PDE9A: variants seen among roughly 807,000 people sequenced by gnomAD.
The protein encoded by PDE9A is high affinity cGMP-specific 3',5'-cyclic phosphodiesterase 9A.
Under a neutral mutation model 87.4 loss-of-function variants are expected in PDE9A, and 60 were observed. That is an observed-to-expected ratio of 0.69 (90% CI 0.56 to 0.85). The LOEUF (loss-of-function observed/expected upper bound fraction) is 0.85. PDE9A is among the 40% of genes least tolerant of loss of function. The probability of loss-of-function intolerance (pLI) is 0.00; values close to 1 mark genes in which losing one functional copy is unlikely to be tolerated. For synonymous variants in PDE9A, 272 were observed against 279.4 expected (o/e 0.97, Z 0.27); for missense variants, 665 against 779.0 (o/e 0.85, Z 1.74).
rs2146282494 is a variant in PDE9A at position 42,694,943 on chromosome 21, A to G, written c.219-4025A>G. Among the ~76,000 whole-genome samples the G allele has an allele frequency of 6.6e-6, 1 of 152,250 alleles. No individual in the cohort carries two copies. The highest frequency in any genetic ancestry group is 2.4e-5 in the African/African-American group (1 of 41,554). On this transcript the variant is annotated intron_variant, in intron 3 of 19. Transcript: ENST00000291539. This position sits in a 1 kb window ranked among gnomAD's most constrained non-coding sequence, Gnocchi z 5.3. ...GCCCAGCGGGCACTCCCCTTCTGCA[A>G]ACCTCCAAGCACATTCCCCCTCTGC...
Position 42,759,116 on chromosome 21 carries a change from T to C in PDE9A, c.897+31T>C. On this transcript the variant is annotated intron_variant, in intron 11 of 19. Coordinates refer to ENST00000291539, the MANE Select transcript of PDE9A (RefSeq NM_002606.3). The surrounding 1 kb of genome is among the most constrained non-coding windows in gnomAD (Gnocchi z 7.2). ...TGCCAAACCCGCCTTCGGTTCTTCC[T>C]GGGCACGTGGTTTCATCCAGTTCCA... 1 of 1,525,638 alleles carries C rather than the reference T, an allele frequency of 6.6e-7. No homozygotes were observed. Among genetic ancestry groups the C allele is most frequent in the South Asian group, 1.1e-5 (1 of 89,056 alleles). 94.5% of individuals were successfully genotyped at this position (1,525,638 alleles called of 1,614,324 possible).
At position 42,653,891 on chromosome 21, in the gene PDE9A, C is replaced by T. The variant is rs757490465; in HGVS notation, c.69+8C>T. The stretch of plus-strand genomic sequence containing the variant: ...GATGGACGCATTCAGAAGGTAGCCC[C>T]TCCCCCACCCAGACACCCCCTCCTC... On this transcript the variant is annotated splice_region_variant and intron_variant, in intron 1 of 19. Coordinates refer to ENST00000291539, the MANE Select transcript of PDE9A (RefSeq NM_002606.3). The T allele has an allele frequency of 2.0e-5, 30 of 1,516,516 alleles. No homozygotes were observed. The highest frequency in any genetic ancestry group is 2.1e-5 in the Non-Finnish European group (23 of 1,119,296). The allele number at this position is 1,516,516 out of a possible 1,614,324, so 93.9% of individuals were successfully genotyped here. A position where few individuals can be genotyped will look rare whatever the true frequency, so the allele number is the denominator to read the frequency against.
intron 10 of PDE9A, among the ~76,000 whole-genome samples, chr21:42,754,745 G>T (rs1360282319): frequency 6.6e-6 from 1 of 152,226 alleles, no homozygotes; most frequent in Non-Finnish European, 1.5e-5. Context: ...AGTCTCACGA[G>T]ATCTGATGGT....
At chr21:42,763,634 G>A (rs2056055624) in intron 14 of PDE9A, among the ~76,000 whole-genome samples, 1 of 152,152 alleles carries the variant, frequency 6.6e-6, no homozygotes, top group Non-Finnish European at 1.5e-5. Flanking sequence ...GTGGTACTTT[G>A]TGTGGCGGCC....
intron 9 of PDE9A, 127 bp downstream of exon 9, chr21:42,751,324 C>T (rs989402662): frequency 3.3e-5 from 25 of 746,324 alleles, no homozygotes; most frequent in Admixed American, 2.7e-4. Context: ...AGCCCTGGGC[C>T]GCTGACGGTG....
rs896977417 is a variant in PDE9A, at chr21:42,696,699, C to T, written c.219-2269C>T. Among the ~76,000 whole-genome samples the T allele has an allele frequency of 2.1e-4, 32 of 152,216 alleles. No homozygotes were observed. The highest frequency in any genetic ancestry group is 3.9e-4 in the African/African-American group (16 of 41,462). On this transcript the variant is annotated intron_variant, in intron 3 of 19. Transcript: ENST00000291539. The surrounding 1 kb of genome is among the most constrained non-coding windows in gnomAD (Gnocchi z 5.1). ...AGGCCCTTCCTAGGCAACCCTGGCA[C>T]GGGTCCTCACTGGCCACACTGAGGC... is the stretch of plus-strand genomic sequence containing the variant.
chr21:42,769,575 C>CAT (rs1491050849), intron 17 of PDE9A, among the ~76,000 whole-genome samples: 1 of 115,112 alleles, frequency 8.7e-6, no homozygotes, highest in African/African-American at 3.7e-5. Context: ...CACACACACA[C>CAT]ATGCACACAG....
chr21:42,707,927 T>C (rs922511425), intron 4 of PDE9A, among the ~76,000 whole-genome samples: 1 of 152,222 alleles, frequency 6.6e-6, no homozygotes, highest in Admixed American at 6.5e-5. Flanking sequence ...CATTTTTGAA[T>C]GGCTAAAGTT....
At chr21:42,747,759 T>A (rs2054020325) in intron 8 of PDE9A, among the ~76,000 whole-genome samples, 1 of 152,116 alleles carries the variant, frequency 6.6e-6, no homozygotes, top group Admixed American at 6.5e-5. Flanking sequence ...GAATATGGGG[T>A]TCACCCAGAG....
chr21:42,701,645 C>A (rs372907612), intron 4 of PDE9A, among the ~76,000 whole-genome samples: 35 of 152,080 alleles, frequency 2.3e-4, no homozygotes, highest in African/African-American at 8.2e-4. Context: ...CAGTATTGCC[C>A]AGGCTGGTCT....
In PDE9A at chr21:42,707,876, G is replaced by A. The variant is rs552997364; in HGVS notation, c.262+8865G>A. Among the ~76,000 whole-genome samples the A allele has an allele frequency of 5.3e-5, 8 of 152,286 alleles. No homozygotes were observed. In the South Asian group the frequency reaches 1.2e-3, roughly 24 times the overall value. On this transcript the variant is annotated intron_variant, in intron 4 of 19. Coordinates refer to ENST00000291539, the MANE Select transcript of PDE9A (RefSeq NM_002606.3). ...GCACAGTGCCTGCCACTTGGTAAGCGCCCAGTAAATGGTTGTTATCATTGA... is the reference window on the plus strand; with the variant it reads ...GCACAGTGCCTGCCACTTGGTAAGCACCCAGTAAATGGTTGTTATCATTGA...
At chr21:42,715,186 T>C (rs867063001) in intron 4 of PDE9A, among the ~76,000 whole-genome samples, 32 of 131,876 alleles carry the variant, frequency 2.4e-4, no homozygotes, top group African/African-American at 8.3e-4. Flanking sequence ...TATGCATCTT[T>C]ACTTTTTTTT....
In PDE9A at chr21:42,704,209, G is replaced by A. The variant is rs903831732; in HGVS notation, c.262+5198G>A. The stretch of plus-strand genomic sequence containing the variant: ...TGTCCCTCCGGGCCAGCCGAGGAGC[G>A]CTGCGCTTATTCCGCAGTGAGGAGT... On this transcript the variant is annotated intron_variant, in intron 4 of 19. Transcript: ENST00000291539. The surrounding 1 kb of genome is among the most constrained non-coding windows in gnomAD (Gnocchi z 5.3). Among the ~76,000 whole-genome samples, 11 of 152,314 alleles carry A rather than the reference G, an allele frequency of 7.2e-5. No individual in the cohort carries two copies. Among genetic ancestry groups the A allele is most frequent in the African/African-American group, 2.2e-4 (9 of 41,574 alleles).
chr21:42,763,186 G>A (rs1180867953), intron 14 of PDE9A, among the ~76,000 whole-genome samples: 2 of 152,204 alleles, frequency 1.3e-5, no homozygotes, highest in East Asian at 3.8e-4. Flanking sequence ...TTGCAGGGGA[G>A]GGAAGCTCTC....
In PDE9A at chr21:42,740,625, GAAT is replaced by G. The variant is rs1569228434; in HGVS notation, c.569-3150_569-3148del. 3.1e-4 allele frequency among the ~76,000 whole-genome samples: 5 copies of G among 16,254 alleles called. 1 individual carries two copies. Among genetic ancestry groups the G allele is most frequent in the African/African-American group, 8.9e-4 (4 of 4,508 alleles). 10.7% of individuals were successfully genotyped at this position (16,254 alleles called of 152,430 possible). Reference sequence around the variant, plus strand: ...TGGATGGATGGATGGATGGATGGATGAATGGATACATAGATGAATGGATGGATA... The same window carrying G: ...TGGATGGATGGATGGATGGATGGATGGGATACATAGATGAATGGATGGATA... On this transcript the variant is annotated intron_variant, in intron 7 of 19. Coordinates refer to ENST00000291539, the MANE Select transcript of PDE9A (RefSeq NM_002606.3).
intron 3 of PDE9A, 140 bp from the exon 4 acceptor site, chr21:42,698,828 G>A (rs2060281716): frequency 1.9e-6 from 1 of 526,990 alleles, no homozygotes; most frequent in East Asian, 3.0e-5. Context: ...AGTCAAAGAA[G>A]CTAATTTAAA....
In PDE9A at chr21:42,754,040, C is replaced by T. The variant is rs771657672; in HGVS notation, c.786C>T (p.Asp262=). 1.2e-5 allele frequency: 20 copies of T among 1,613,108 alleles called. No individual in the cohort carries two copies. The highest frequency in any genetic ancestry group is 8.8e-5 in the South Asian group (8 of 91,030). ...TIEALRKPTF[D]VWLWEPNEML... ...AGGCCCTGCGGAAGCCGACCTTTGA[C>T]GTCTGGCTTTGGGAGCCCAATGAGG... The change falls in exon 10 of 20, where the codon GAC becomes GAT. Residue 262 remains aspartate (D), a synonymous_variant. Transcript: ENST00000291539.
At chr21:42,674,529 T>TA (rs1469913450) in intron 1 of PDE9A, among the ~76,000 whole-genome samples, 1 of 152,036 alleles carries the variant, frequency 6.6e-6, no homozygotes, top group Non-Finnish European at 1.5e-5. Flanking sequence ...CTGGCCTTTG[T>TA]AAAACGGCTC....
intron 13 of PDE9A, among the ~76,000 whole-genome samples, chr21:42,761,127 G>C (rs546440993): frequency 1.3e-5 from 2 of 152,332 alleles, no homozygotes; most frequent in East Asian, 3.9e-4. Flanking sequence ...CAAACCCCAG[G>C]GGCTCTTTCC....
Sources: gnomAD v4.1 joint callset for allele counts (sites outside exome capture counted in the v4.1 genomes callset) on GRCh38, gnomAD v4.1.1 for gene constraint, Gnocchi (gnomAD v3.1) non-coding constraint, MANE v1.5 for transcripts, NCBI Gene and HGNC (gene_info 2026-07-23, HGNC 2026-07-21) for gene names.